UST: variants seen among roughly 807,000 people sequenced by gnomAD.
UST encodes uronyl 2-sulfotransferase, also known as chondroitin sulfate 2-O-sulfotransferase.
UST carries 21 observed loss-of-function variants against 45.6 expected under a neutral mutation model. The observed-to-expected ratio is 0.46, with a 90% confidence interval of 0.33 to 0.66. The LOEUF (loss-of-function observed/expected upper bound fraction) is 0.66, where lower values mean the gene tolerates loss of function less well. UST is among the 30% of genes least tolerant of loss of function. The pLI, the probability that UST is intolerant of heterozygous loss-of-function variation, is 0.02. For missense variants in UST, 463 were observed against 512.4 expected (o/e 0.90, Z 0.93); for synonymous variants, 215 against 200.6 (o/e 1.07, Z -0.61).
intron 2 of UST, among the ~76,000 whole-genome samples, chr6:148,919,437 T>TGC (rs1562299875): frequency 4.1e-5 from 6 of 147,732 alleles, no homozygotes; most frequent in African/African-American, 1.6e-4. Context: ...TGTGTGTGTG[T>TGC]GTGTGTGTAC....
Position 149,074,007 on chromosome 6 carries a change from C to T in UST, c.1112C>T (p.Pro371Leu), listed in dbSNP as rs763772175. ...GGACTTAAGTCTCACGTCAGCAAGC[C>T]CCCCCTGAGGCCACACTTCTTTATC... ...KFGLKSHVSKPPLRPHFFIPT... is the reference protein window; with the variant it reads ...KFGLKSHVSKLPLRPHFFIPT... Residue 371 changes from proline (P) to leucine (L), a missense_variant, in exon 8 of 8, where the codon CCC becomes CTC. By Grantham distance (98) the Pro-to-Leu change is moderately conservative (BLOSUM62 -3). Transcript: ENST00000367463. 1.2e-6 allele frequency: 2 copies of T among 1,614,170 alleles called. No homozygotes were observed. The highest frequency in any genetic ancestry group is 1.3e-5 in the African/African-American group (1 of 75,038).
At chr6:148,833,606 A>G (rs1013691397) in intron 1 of UST, among the ~76,000 whole-genome samples, 2 of 152,250 alleles carry the variant, frequency 1.3e-5, no homozygotes, top group African/African-American at 2.4e-5. Flanking sequence ...GTTCAAGATG[A>G]AAAGGATACC....
intron 1 of UST, among the ~76,000 whole-genome samples, chr6:148,754,161 AT>A (rs941608893): frequency 1.3e-5 from 2 of 151,536 alleles, no homozygotes; most frequent in African/African-American, 2.4e-5. Context: ...TGCCTGGCTA[AT>A]TTTTTTGTAT....
intron 7 of UST, among the ~76,000 whole-genome samples, chr6:149,068,569 G>A (rs1047085840): frequency 6.6e-6 from 1 of 152,052 alleles, no homozygotes; most frequent in African/African-American, 2.4e-5. Flanking sequence ...AATATGTCCT[G>A]GTTCTTTTCA....
At chr6:148,899,899 C>T (rs926660139) in intron 2 of UST, among the ~76,000 whole-genome samples, 1 of 152,160 alleles carries the variant, frequency 6.6e-6, no homozygotes, top group East Asian at 1.9e-4. Context: ...ACCTCCCACC[C>T]CCCATCACCC....
chr6:148,897,270 T>C (rs149406922), intron 2 of UST, among the ~76,000 whole-genome samples: 3,681 of 152,152 alleles, frequency 0.024, 136 homozygotes, highest in African/African-American at 0.079. Context: ...TGGGTTCAGG[T>C]GATTCTTGTG....
At chr6:148,841,048 A>AAG (rs1239024223) in intron 1 of UST, among the ~76,000 whole-genome samples, 3 of 151,568 alleles carry the variant, frequency 2.0e-5, no homozygotes, top group Non-Finnish European at 4.4e-5. Flanking sequence ...TGAAATGAAA[A>AAG]AAAAAAAAAC....
At chr6:149,068,855 A>G (rs1405709895) in intron 7 of UST, among the ~76,000 whole-genome samples, 2 of 152,156 alleles carry the variant, frequency 1.3e-5, no homozygotes, top group Admixed American at 6.5e-5. Context: ...ATATAACTGT[A>G]CATTTGTACC....
chr6:148,780,088 TAC>T (rs539630954), intron 1 of UST, among the ~76,000 whole-genome samples: 24,671 of 112,480 alleles, frequency 0.22, 2,432 homozygotes, highest in Middle Eastern at 0.27. Context: ...TGTATATATA[TAC>T]ACACACACAC....
intron 5 of UST, among the ~76,000 whole-genome samples, chr6:148,992,070 G>A (rs1781363994): frequency 1.3e-5 from 2 of 152,148 alleles, no homozygotes; most frequent in African/African-American, 4.8e-5. Context: ...TTGGTCCACC[G>A]TCTGCATTCT....
chr6:149,013,539 G>C (rs921445055), intron 5 of UST, among the ~76,000 whole-genome samples: 1 of 150,972 alleles, frequency 6.6e-6, no homozygotes, highest in Non-Finnish European at 1.5e-5. Flanking sequence ...AAAAAAAAGA[G>C]AAAAAAAAAG....
chr6:148,910,512 C>T (rs1048642250), intron 2 of UST, among the ~76,000 whole-genome samples: 5 of 152,162 alleles, frequency 3.3e-5, no homozygotes, highest in Admixed American at 6.5e-5. Flanking sequence ...AAGCCATCTC[C>T]GTCTCTCTCA....
chr6:148,894,814 C>CTTTTTTTTTTTTTTTTTTTT (rs760698349), intron 2 of UST, among the ~76,000 whole-genome samples: 1 of 93,700 alleles, frequency 1.1e-5, no homozygotes, highest in Non-Finnish European at 2.0e-5. Context: ...AATTTCAGTG[C>CTTTTTTTTTTTTTTTTTTTT]TTTTTTTTTT....
intron 1 of UST, among the ~76,000 whole-genome samples, chr6:148,831,036 T>C (rs976431735): frequency 1.4e-5 from 2 of 138,914 alleles, no homozygotes; most frequent in African/African-American, 5.3e-5. Flanking sequence ...GAAAGGAAAA[T>C]TAAAAGAAAG....
intron 1 of UST, among the ~76,000 whole-genome samples, chr6:148,781,324 T>C (rs1776640812): frequency 6.6e-6 from 1 of 151,026 alleles, no homozygotes; most frequent in African/African-American, 2.4e-5. Context: ...AAAGTTTGAG[T>C]GGTCCGGATA....
At chr6:149,037,589 G>A (rs906788385) in intron 7 of UST, among the ~76,000 whole-genome samples, 1 of 152,210 alleles carries the variant, frequency 6.6e-6, no homozygotes, top group African/African-American at 2.4e-5. Context: ...GTGTTCAGTG[G>A]GGCCCCTGTG....
Position 148,747,629 on chromosome 6 carries a change from C to T in UST, c.199C>T (p.Leu67Phe), listed in dbSNP as rs1406752377. Residue 67 changes from leucine to phenylalanine, a missense_variant, in exon 1 of 8, where the codon CTC (leucine) becomes TTC (phenylalanine). By Grantham distance (22) the Leu-to-Phe change is conservative (BLOSUM62 0). Coordinates refer to ENST00000367463, the MANE Select transcript of UST (RefSeq NM_005715.3). ...CTGCCTGGGCTCCCTCCTCTATCAG[C>T]TCAGCGGGGGACCCCCTCGCTTCCT... ...VFCLGSLLYQ[L>F]SGGPPRFLLD... 1 of 1,600,922 alleles carries T rather than the reference C, an allele frequency of 6.2e-7. No individual in the cohort carries two copies. Among genetic ancestry groups the T allele is most frequent in the East Asian group, 2.3e-5 (1 of 43,392 alleles).
chr6:148,766,340 A>G (rs2114666107), intron 1 of UST, among the ~76,000 whole-genome samples: 1 of 149,438 alleles, frequency 6.7e-6, no homozygotes, highest in African/African-American at 2.5e-5. Flanking sequence ...TATCACTCTC[A>G]CCCACTCACC....
intron 5 of UST, among the ~76,000 whole-genome samples, chr6:148,994,105 G>A (rs1460245718): frequency 1.3e-5 from 2 of 151,822 alleles, no homozygotes; most frequent in African/African-American, 4.8e-5. Context: ...AACAACCTGG[G>A]ACTACAGGCA....
Sources: gnomAD v4.1 joint callset for allele counts (sites outside exome capture counted in the v4.1 genomes callset) on GRCh38, gnomAD v4.1.1 for gene constraint, MANE v1.5 for transcripts, NCBI Gene and HGNC (gene_info 2026-07-23, HGNC 2026-07-21) for gene names.